TEAD1: variants seen among roughly 807,000 people sequenced by gnomAD.
TEAD1 encodes TEA domain transcription factor 1, also known as transcriptional enhancer factor TEF-1.
In TEAD1, 9 loss-of-function variants were observed where a neutral mutation model predicts 54.9. The ratio of observed to expected loss-of-function variants is 0.16; its 90% CI spans 0.10 to 0.29. The LOEUF is 0.29. Among genes scored for constraint, TEAD1 ranks in the 10% least tolerant of loss-of-function variants. The pLI is 1.00. For synonymous variants in TEAD1, 200 were observed against 187.8 expected, an observed-to-expected ratio of 1.07 and a Z score of -0.53; for missense variants, 387 against 535.9, an observed-to-expected ratio of 0.72 and a Z score of 2.74.
At chr11:12,812,001 A>T (rs1946311393) in intron 3 of TEAD1, among the ~76,000 whole-genome samples, 1 of 152,144 alleles carries the variant, frequency 6.6e-6, no homozygotes, top group Non-Finnish European at 1.5e-5. Context: ...TCTTAAGCTG[A>T]AAAGAGCCCC....
chr11:12,784,086 G>A (rs1945624764), intron 3 of TEAD1, among the ~76,000 whole-genome samples: 1 of 152,148 alleles, frequency 6.6e-6, no homozygotes, highest in Admixed American at 6.5e-5. Context: ...GGTTATGGGA[G>A]TGACAAGGAG....
At chr11:12,874,395 G>A (rs1248190909) in intron 5 of TEAD1, among the ~76,000 whole-genome samples, 1 of 152,166 alleles carries the variant, frequency 6.6e-6, no homozygotes, top group Non-Finnish European at 1.5e-5. Flanking sequence ...TGATATTGCT[G>A]TCCTCCTGTC....
chr11:12,762,183 T>G (rs1409806281), intron 2 of TEAD1, among the ~76,000 whole-genome samples: 1 of 152,162 alleles, frequency 6.6e-6, no homozygotes, highest in East Asian at 1.9e-4. Flanking sequence ...GGCCTGTGGT[T>G]TTGTGCATGT....
intron 5 of TEAD1, among the ~76,000 whole-genome samples, chr11:12,873,177 TAGA>T (rs1210815263): frequency 2.6e-5 from 4 of 152,180 alleles, no homozygotes; most frequent in Admixed American, 6.5e-5. Flanking sequence ...TTGAAAGAAA[TAGA>T]AGAAGGACTC....
intron 2 of TEAD1, among the ~76,000 whole-genome samples, chr11:12,749,080 A>G (rs1326415623): frequency 6.6e-6 from 1 of 152,142 alleles, no homozygotes; most frequent in African/African-American, 2.4e-5. Context: ...TTAATCAGCA[A>G]TGTGATGTTG....
intron 2 of TEAD1, among the ~76,000 whole-genome samples, chr11:12,676,497 T>C (rs1190203616): frequency 6.6e-6 from 1 of 152,248 alleles, no homozygotes; most frequent in Non-Finnish European, 1.5e-5. Flanking sequence ...CCTTTCACTG[T>C]TGGGTTTGTG....
intron 3 of TEAD1, among the ~76,000 whole-genome samples, chr11:12,853,180 C>A (rs1163558170): frequency 6.6e-6 from 1 of 152,022 alleles, no homozygotes; most frequent in Non-Finnish European, 1.5e-5. Flanking sequence ...GAAAGATTTT[C>A]CTTGGTGGTC....
intron 2 of TEAD1, among the ~76,000 whole-genome samples, chr11:12,739,852 C>T (rs1040804102): frequency 3.9e-5 from 6 of 152,168 alleles, no homozygotes; most frequent in African/African-American, 1.4e-4. Flanking sequence ...ATTGGTCCAT[C>T]AGGGAGAGAA....
At chr11:12,725,955 G>C (rs1944302493) in intron 2 of TEAD1, among the ~76,000 whole-genome samples, 2 of 152,196 alleles carry the variant, frequency 1.3e-5, no homozygotes, top group Admixed American at 6.5e-5. Context: ...GAGAGATTTT[G>C]TGTTGGGAAG....
rs559529829 is a variant in TEAD1, at chr11:12,713,666, G to T, written c.-55+38105G>T. Among the ~76,000 whole-genome samples the T allele has an allele frequency of 2.4e-4, 36 of 152,284 alleles. No individual in the cohort carries two copies. The South Asian group carries it at 7.3e-3, about 31-fold the overall frequency. On this transcript the variant is annotated intron_variant, in intron 2 of 12. Coordinates refer to ENST00000527636, the MANE Select transcript of TEAD1 (RefSeq NM_021961.6). The stretch of plus-strand genomic sequence containing the variant: ...AGGGTACAACCCAATTAAAATGGCT[G>T]TGTAATAAAGCGATCTTATATCTCA...
intron 2 of TEAD1, among the ~76,000 whole-genome samples, chr11:12,727,306 A>T (rs914233512): frequency 6.6e-6 from 1 of 152,158 alleles, no homozygotes; most frequent in Non-Finnish European, 1.5e-5. Context: ...GTGGGTGGGG[A>T]TGCTGGATGG....
intron 4 of TEAD1, among the ~76,000 whole-genome samples, chr11:12,864,021 C>T (rs755762930): frequency 1.3e-5 from 2 of 150,920 alleles, no homozygotes; most frequent in Non-Finnish European, 1.5e-5. Context: ...ATCCACTTGG[C>T]GCCCAGTCAA....
intron 3 of TEAD1, among the ~76,000 whole-genome samples, chr11:12,794,891 A>G (rs1191905281): frequency 1.3e-5 from 2 of 152,214 alleles, no homozygotes. Context: ...TACCTCTGAC[A>G]AGGAAAGGAA....
intron 2 of TEAD1, among the ~76,000 whole-genome samples, chr11:12,681,374 A>G (rs1259422123): frequency 6.6e-6 from 1 of 152,238 alleles, no homozygotes; most frequent in Middle Eastern, 3.2e-3. Context: ...TTTCATCTTT[A>G]AATTTTACCT....
chr11:12,793,793 T>G (rs1945857070), intron 3 of TEAD1, among the ~76,000 whole-genome samples: 1 of 151,788 alleles, frequency 6.6e-6, no homozygotes, highest in Admixed American at 6.6e-5. Flanking sequence ...TCTGAGGGAG[T>G]GGGATTGGTG....
chr11:12,850,550 A>G (rs1947253341), intron 3 of TEAD1, among the ~76,000 whole-genome samples: 1 of 152,334 alleles, frequency 6.6e-6, no homozygotes, highest in Non-Finnish European at 1.5e-5. Flanking sequence ...TCCATTTTAC[A>G]GGTAAGGAAA....
At chr11:12,730,338 G>C (rs934479186) in intron 2 of TEAD1, among the ~76,000 whole-genome samples, 1 of 150,172 alleles carries the variant, frequency 6.7e-6, no homozygotes, top group African/African-American at 2.4e-5. Flanking sequence ...GGCTTCTAGA[G>C]ATTAAAGTGA....
chr11:12,938,006 G>A lies in TEAD1; in HGVS notation c.*784G>A, dbSNP rs902804567. ...TATTTAAAAAATATAAAATTGTATT[G>A]TACTAATGTGATGATGGATTATTTA... is the stretch of plus-strand genomic sequence containing the variant. On this transcript the variant is annotated 3_prime_UTR_variant, in exon 13 of 13. Transcript: ENST00000527636. The A allele has an allele frequency of 1.3e-5, 2 of 152,262 alleles. No individual in the cohort carries two copies. The highest frequency in any genetic ancestry group is 6.6e-5 in the Admixed American group (1 of 15,244). 9.4% of individuals were successfully genotyped at this position (152,262 alleles called of 1,614,324 possible). A position where few individuals can be genotyped will look rare whatever the true frequency, so the allele number is the denominator to read the frequency against.
At chr11:12,873,980 A>G (rs1237747973) in intron 5 of TEAD1, among the ~76,000 whole-genome samples, 6 of 152,212 alleles carry the variant, frequency 3.9e-5, no homozygotes, top group Admixed American at 3.9e-4. Flanking sequence ...ACCATTTAAT[A>G]ACTATCAAGA....
Sources: gnomAD v4.1 joint callset for allele counts (sites outside exome capture counted in the v4.1 genomes callset) on GRCh38, gnomAD v4.1.1 for gene constraint, MANE v1.5 for transcripts, NCBI Gene and HGNC (gene_info 2026-07-23, HGNC 2026-07-21) for gene names.